NRXN1: variants seen among roughly 807,000 people sequenced by gnomAD.
NRXN1 encodes neurexin-1.
In NRXN1, 39 loss-of-function variants were observed where a neutral mutation model predicts 150.9. That is an observed-to-expected ratio of 0.26 (90% confidence interval 0.20 to 0.34). NRXN1 has a LOEUF of 0.34. Among genes scored for constraint, NRXN1 ranks in the 10% least tolerant of loss-of-function variants. The pLI is 1.00. For synonymous variants in NRXN1, 924 were observed against 757.0 expected (o/e 1.22, Z -3.62); for missense variants, 1,815 against 1,949.9 (o/e 0.93, Z 1.30).
intron 22 of NRXN1, among the ~76,000 whole-genome samples, chr2:49,928,448 T>C (rs1325986991): frequency 2.0e-5 from 3 of 152,246 alleles, no homozygotes; most frequent in South Asian, 4.1e-4. Flanking sequence ...CTGTGTCTAA[T>C]AGATGTGGAA....
At chr2:50,174,863 T>C (rs542473814) in intron 18 of NRXN1, 2 of 152,296 alleles carry the variant, frequency 1.3e-5, no homozygotes, top group East Asian at 1.9e-4. Flanking sequence ...ACTGAAGTAA[T>C]GATAATTTAA....
At position 50,263,333 on chromosome 2, in the gene NRXN1, C is replaced by A. The variant is rs149205245; in HGVS notation, c.3365-26363G>T. The stretch of plus-strand genomic sequence containing the variant: ...ACTGTCCCATACTGAAGCAGTAGAA[C>A]CAATGTACTTATGGTAAGGTGGCAC... On this transcript the variant is annotated intron_variant, in intron 17 of 22. Coordinates refer to ENST00000401669, the MANE Select transcript of NRXN1 (RefSeq NM_001330078.2). 5.7e-4 allele frequency among the ~76,000 whole-genome samples: 87 copies of A among 152,024 alleles called. 1 individual carries two copies. Among genetic ancestry groups the A allele is most frequent in the African/African-American group, 2.0e-3 (85 of 41,514 alleles).
intron 10 of NRXN1, among the ~76,000 whole-genome samples, chr2:50,534,390 A>T (rs1041170327): frequency 3.3e-5 from 5 of 152,276 alleles, no homozygotes; most frequent in Non-Finnish European, 1.5e-5. Context: ...GTCTTTCAAA[A>T]ATATAGTGGT....
At chr2:51,015,536 C>T (rs1290154054) in intron 2 of NRXN1, among the ~76,000 whole-genome samples, 1 of 151,950 alleles carries the variant, frequency 6.6e-6, no homozygotes, top group Non-Finnish European at 1.5e-5. Flanking sequence ...CAGCTAACAG[C>T]AGGAGAGGAG....
chr2:50,384,053 A>G (rs1047798442), intron 17 of NRXN1, among the ~76,000 whole-genome samples: 3 of 152,226 alleles, frequency 2.0e-5, no homozygotes, highest in African/African-American at 7.2e-5. Flanking sequence ...AACTTTTACT[A>G]CACATGAAGT....
chr2:49,955,066 C>A (rs186522886), intron 21 of NRXN1, among the ~76,000 whole-genome samples: 8 of 152,202 alleles, frequency 5.3e-5, no homozygotes, highest in Admixed American at 5.2e-4. Context: ...TTCATCTTGA[C>A]TTTAAAAATA....
At chr2:50,767,234 G>A (rs1363941393) in intron 5 of NRXN1, among the ~76,000 whole-genome samples, 4 of 152,030 alleles carry the variant, frequency 2.6e-5, no homozygotes, top group Non-Finnish European at 4.4e-5. Context: ...AGGTTGTGCA[G>A]TGGTAGATGT....
At chr2:50,086,215 C>G (rs1373202592) in intron 19 of NRXN1, among the ~76,000 whole-genome samples, 1 of 151,932 alleles carries the variant, frequency 6.6e-6, no homozygotes, top group African/African-American at 2.4e-5. Flanking sequence ...CAGTACCAAC[C>G]CTGCAATCTC....
At chr2:50,217,625 A>G (rs922782661) in intron 18 of NRXN1, among the ~76,000 whole-genome samples, 5 of 152,010 alleles carry the variant, frequency 3.3e-5, no homozygotes, top group African/African-American at 4.8e-5. Flanking sequence ...CAGGGGACCT[A>G]AAGAAACAGT....
At chr2:50,047,349 C>T (rs1473387980) in intron 21 of NRXN1, among the ~76,000 whole-genome samples, 1 of 151,832 alleles carries the variant, frequency 6.6e-6, no homozygotes, top group African/African-American at 2.4e-5. Flanking sequence ...GAGGAACACA[C>T]ATATATATAT....
intron 21 of NRXN1, chr2:49,970,112 T>A (rs912981638): frequency 1.4e-4 from 21 of 152,170 alleles, no homozygotes; most frequent in Middle Eastern, 6.8e-3. Context: ...AATAAAGTAA[T>A]GGAGACTTTA....
chr2:50,394,666 T>C (rs954462014), intron 17 of NRXN1, among the ~76,000 whole-genome samples: 3 of 152,058 alleles, frequency 2.0e-5, no homozygotes, highest in African/African-American at 7.2e-5. Flanking sequence ...CTGCAATCTA[T>C]TGTCCACACT....
intron 5 of NRXN1, among the ~76,000 whole-genome samples, chr2:50,802,737 T>C (rs570492354): frequency 6.6e-6 from 1 of 152,040 alleles, no homozygotes; most frequent in Non-Finnish European, 1.5e-5. Flanking sequence ...TAATCCAATA[T>C]GATTTTTTGC....
chr2:49,936,798 A>G (rs1409187204), intron 22 of NRXN1, among the ~76,000 whole-genome samples: 1 of 150,592 alleles, frequency 6.6e-6, no homozygotes, highest in Non-Finnish European at 1.5e-5. Context: ...ATTCTAAAAA[A>G]CAAAACAAAA....
intron 19 of NRXN1, among the ~76,000 whole-genome samples, chr2:50,057,382 C>T (rs182599130): frequency 6.4e-4 from 98 of 152,292 alleles, no homozygotes; most frequent in African/African-American, 2.1e-3. Flanking sequence ...CTAACCATTA[C>T]TAATTAATGG....
chr2:51,022,587 G>A (rs1354747626), intron 2 of NRXN1, among the ~76,000 whole-genome samples: 1 of 152,000 alleles, frequency 6.6e-6, no homozygotes, highest in Non-Finnish European at 1.5e-5. Context: ...GCTTCCTCTA[G>A]ATCAAAACTA....
Position 50,905,501 on chromosome 2 carries a change from A to G in NRXN1, c.832+16368T>C, listed in dbSNP as rs561709414. 1.5e-3 allele frequency among the ~76,000 whole-genome samples: 227 copies of G among 152,204 alleles called. 3 individuals are homozygous for G. Among genetic ancestry groups the G allele is most frequent in the African/African-American group, 5.3e-3 (222 of 41,554 alleles). On this transcript the variant is annotated intron_variant, in intron 5 of 22. Transcript: ENST00000401669. ...ACATCTATGAACCAGAAAGCTACCAATTCTTTCATTCCAAACCTCCCTTGC... is the reference window on the plus strand; with the variant it reads ...ACATCTATGAACCAGAAAGCTACCAGTTCTTTCATTCCAAACCTCCCTTGC...
At chr2:50,700,641 A>T (rs1693602980) in intron 5 of NRXN1, among the ~76,000 whole-genome samples, 1 of 152,092 alleles carries the variant, frequency 6.6e-6, no homozygotes, top group African/African-American at 2.4e-5. Context: ...AAAATACCCT[A>T]TTTTGTTCCC....
chr2:50,107,469 T>C (rs1188769575), intron 18 of NRXN1, among the ~76,000 whole-genome samples: 1 of 149,362 alleles, frequency 6.7e-6, no homozygotes, highest in Non-Finnish European at 1.5e-5. Context: ...CTTACTTTTT[T>C]TAGGTTTACT....
Sources: gnomAD v4.1 joint callset for allele counts (sites outside exome capture counted in the v4.1 genomes callset) on GRCh38, gnomAD v4.1.1 for gene constraint, MANE v1.5 for transcripts, NCBI Gene and HGNC (gene_info 2026-07-23, HGNC 2026-07-21) for gene names.